Variants in CA10 observed in about 807,000 individuals in gnomAD.
The protein encoded by CA10 is carbonic anhydrase-related protein 10.
Under a neutral mutation model 44.2 loss-of-function variants are expected in CA10, and 14 were observed. The observed-to-expected ratio is 0.32, with a 90% CI of 0.21 to 0.50. CA10 has a LOEUF of 0.50. CA10 is among the 20% of genes least tolerant of loss of function. CA10 has a pLI of 0.99. For missense variants in CA10, 350 were observed against 409.7 expected (o/e 0.85, Z 1.26); for synonymous variants, 159 against 141.6 (o/e 1.12, Z -0.87).
chr17:51,916,935 G>A (rs1056615992), intron 3 of CA10, among the ~76,000 whole-genome samples: 1 of 152,124 alleles, frequency 6.6e-6, no homozygotes, highest in Non-Finnish European at 1.5e-5. Context: ...TAACTAATCT[G>A]AGGCTTTCTT....
intron 3 of CA10, among the ~76,000 whole-genome samples, chr17:51,918,292 T>A (rs1233883868): frequency 5.3e-5 from 8 of 152,090 alleles, no homozygotes; most frequent in African/African-American, 1.9e-4. Context: ...GAAGCAAGAG[T>A]GGCTTTTCCT....
chr17:51,908,421 G>A (rs944796434), intron 3 of CA10, among the ~76,000 whole-genome samples: 1 of 152,144 alleles, frequency 6.6e-6, no homozygotes, highest in Admixed American at 6.6e-5. Flanking sequence ...AACAAATTTT[G>A]AGTGTGTGAA....
intron 2 of CA10, among the ~76,000 whole-genome samples, chr17:52,070,089 A>G (rs1207969902): frequency 6.6e-6 from 1 of 152,036 alleles, no homozygotes; most frequent in African/African-American, 2.4e-5. Flanking sequence ...AATTCTCATG[A>G]CTCTTATCCT....
intron 1 of CA10, among the ~76,000 whole-genome samples, chr17:52,097,254 T>A (rs1315097036): frequency 6.6e-6 from 1 of 152,208 alleles, no homozygotes; most frequent in East Asian, 1.9e-4. Flanking sequence ...ATCACATTTT[T>A]AAATGTGTGT....
At chr17:51,918,485 G>T (rs886728745) in intron 3 of CA10, among the ~76,000 whole-genome samples, 1 of 152,144 alleles carries the variant, frequency 6.6e-6, no homozygotes, top group African/African-American at 2.4e-5. Context: ...AACTGTGTGC[G>T]TGTATACATT....
At chr17:52,081,223 G>T (rs554583535) in intron 1 of CA10, among the ~76,000 whole-genome samples, 1 of 152,216 alleles carries the variant, frequency 6.6e-6, no homozygotes, top group Non-Finnish European at 1.5e-5. Context: ...GTATGACAGT[G>T]ATGGTCTCTG....
chr17:51,808,776 A>T (rs889932720), intron 3 of CA10, among the ~76,000 whole-genome samples: 8 of 152,196 alleles, frequency 5.3e-5, no homozygotes, highest in Non-Finnish European at 1.2e-4. Context: ...TCTAAAAGTA[A>T]AGTATACTAA....
In CA10 at chr17:51,994,402, C is replaced by T. The variant is rs189368870; in HGVS notation, c.137-63270G>A. On this transcript the variant is annotated intron_variant, in intron 2 of 8. Transcript: ENST00000451037. The stretch of plus-strand genomic sequence containing the variant: ...TTTGCACGTGACCTTAGTCAAGTCA[C>T]GTTTCTTTTCTAGGCTTTAATTTTT... Among the ~76,000 whole-genome samples, 349 of 152,134 alleles carry T rather than the reference C, an allele frequency of 2.3e-3. 4 individuals are homozygous for T. The highest frequency in any genetic ancestry group is 7.8e-4 in the Non-Finnish European group (53 of 67,958).
intron 3 of CA10, among the ~76,000 whole-genome samples, chr17:51,831,733 A>AGCAGCCGCCGCCGCAGC (rs1567854687): frequency 8.2e-6 from 1 of 121,520 alleles, no homozygotes; most frequent in African/African-American, 4.1e-5. Flanking sequence ...GCAGCAGCAG[A>AGCAGCCGCCGCCGCAGC]AAAAGACCTT....
intron 1 of CA10, among the ~76,000 whole-genome samples, chr17:52,112,549 C>G (rs1988809323): frequency 1.3e-5 from 2 of 152,118 alleles, no homozygotes; most frequent in Admixed American, 1.3e-4. Context: ...CAGCCAAACT[C>G]CTTGATATTA....
intron 6 of CA10, among the ~76,000 whole-genome samples, chr17:51,646,565 A>G (rs1435115401): frequency 6.6e-6 from 1 of 152,074 alleles, no homozygotes; most frequent in African/African-American, 2.4e-5. Context: ...GGGCCCCCTG[A>G]GTTTTCTTCA....
intron 4 of CA10, among the ~76,000 whole-genome samples, chr17:51,722,183 A>T (rs1342731800): frequency 6.6e-6 from 1 of 151,768 alleles, no homozygotes; most frequent in African/African-American, 2.4e-5. Context: ...AAAAACATAT[A>T]ATAATAATAA....
At chr17:52,064,451 G>T (rs1987478063) in intron 2 of CA10, among the ~76,000 whole-genome samples, 1 of 152,172 alleles carries the variant, frequency 6.6e-6, no homozygotes, top group South Asian at 2.1e-4. Context: ...AGCATGCACA[G>T]CCCCAGGCTG....
At chr17:51,721,273 G>C (rs902469792) in intron 4 of CA10, among the ~76,000 whole-genome samples, 5 of 152,074 alleles carry the variant, frequency 3.3e-5, no homozygotes, top group Admixed American at 6.5e-5. Context: ...TGGAGGTTGC[G>C]GTGAACTGAG....
intron 1 of CA10, among the ~76,000 whole-genome samples, chr17:52,099,641 A>C (rs1988489753): frequency 6.6e-6 from 1 of 152,194 alleles, no homozygotes; most frequent in African/African-American, 2.4e-5. Flanking sequence ...TGGAAATAAG[A>C]GTCCTGAAGA....
At chr17:51,892,299 A>G (rs945583794) in intron 3 of CA10, among the ~76,000 whole-genome samples, 2 of 152,190 alleles carry the variant, frequency 1.3e-5, no homozygotes, top group African/African-American at 4.8e-5. Context: ...TAACAGAACT[A>G]TCTCTTATAT....
intron 3 of CA10, among the ~76,000 whole-genome samples, chr17:51,808,307 A>G (rs1284471050): frequency 6.6e-6 from 1 of 152,222 alleles, no homozygotes; most frequent in East Asian, 1.9e-4. Context: ...CAATTTACTC[A>G]ATTTGCTTGT....
intron 3 of CA10, among the ~76,000 whole-genome samples, chr17:51,924,677 G>A (rs1463271829): frequency 2.0e-5 from 3 of 152,108 alleles, no homozygotes; most frequent in South Asian, 2.1e-4. Flanking sequence ...ACCCTTAGGG[G>A]TTGCCCTGAG....
intron 3 of CA10, among the ~76,000 whole-genome samples, chr17:51,895,610 G>T (rs569902132): frequency 6.6e-6 from 1 of 152,192 alleles, no homozygotes; most frequent in East Asian, 1.9e-4. Flanking sequence ...TAATGGAATT[G>T]TTAAGTAGGT....
Sources: allele counts gnomAD v4.1 joint callset (sites outside exome capture counted in the v4.1 genomes callset), GRCh38; gene constraint gnomAD v4.1.1; transcripts MANE v1.5; gene names NCBI Gene and HGNC (gene_info 2026-07-23, HGNC 2026-07-21).